Variants in GABBR2 observed in about 807,000 individuals in gnomAD.
GABBR2 encodes the protein G-protein coupled receptor 51.
Under a neutral mutation model 105.6 loss-of-function variants are expected in GABBR2, and 23 were observed. The observed-to-expected ratio is 0.22, with a 90% CI of 0.16 to 0.31. GABBR2 has a LOEUF of 0.31. Ranked by LOEUF, GABBR2 falls within the 10% of genes least tolerant of loss-of-function variation. The pLI, the probability that GABBR2 is intolerant of heterozygous loss-of-function variation, is 1.00. For synonymous variants in GABBR2, 478 were observed against 499.7 expected (o/e 0.96, Z 0.58); for missense variants, 734 against 1,245.5 (o/e 0.59, Z 6.18).
At chr9:98,610,707 T>C (rs1000032127) in intron 1 of GABBR2, among the ~76,000 whole-genome samples, 2 of 151,562 alleles carry the variant, frequency 1.3e-5, no homozygotes, top group Admixed American at 6.6e-5. Flanking sequence ...GGATTGGTTT[T>C]CCCCCAGGGC....
intron 1 of GABBR2, among the ~76,000 whole-genome samples, chr9:98,611,308 A>C (rs1436305166): frequency 2.6e-5 from 4 of 151,088 alleles, no homozygotes; most frequent in Admixed American, 2.6e-4. Flanking sequence ...CTTCACTCAC[A>C]GTCCCTTGTA....
At chr9:98,325,244 G>C (rs1484438217) in intron 13 of GABBR2, among the ~76,000 whole-genome samples, 1 of 142,390 alleles carries the variant, frequency 7.0e-6, no homozygotes, top group Non-Finnish European at 1.5e-5. Context: ...CCCAGGATCT[G>C]TCCTCTGGGG....
chr9:98,692,073 C>T (rs1830688894), intron 1 of GABBR2, among the ~76,000 whole-genome samples: 2 of 152,170 alleles, frequency 1.3e-5, no homozygotes, highest in East Asian at 3.8e-4. Flanking sequence ...CCCCATTGTA[C>T]AGAGAAGAAC....
chr9:98,478,598 C>G (rs529842443), intron 5 of GABBR2, among the ~76,000 whole-genome samples: 2 of 152,138 alleles, frequency 1.3e-5, no homozygotes, highest in Non-Finnish European at 2.9e-5. Context: ...ATGATGTCCC[C>G]GTACCATGTG....
At chr9:98,396,884 C>T (rs773520084) in intron 8 of GABBR2, among the ~76,000 whole-genome samples, 13 of 152,284 alleles carry the variant, frequency 8.5e-5, no homozygotes, top group East Asian at 3.9e-4. Context: ...TCCCACCGAC[C>T]GTAATCACCA....
intron 11 of GABBR2, among the ~76,000 whole-genome samples, chr9:98,376,629 G>A (rs1231090892): frequency 2.0e-5 from 3 of 152,160 alleles, no homozygotes; most frequent in Non-Finnish European, 2.9e-5. Context: ...TTGTCTTCTA[G>A]GGCAAGGGCG....
At chr9:98,469,986 T>C (rs1175899497) in intron 6 of GABBR2, among the ~76,000 whole-genome samples, 1 of 152,222 alleles carries the variant, frequency 6.6e-6, no homozygotes, top group African/African-American at 2.4e-5. Context: ...AGAACTATGT[T>C]TGACCATAGA....
At position 98,373,851 on chromosome 9, in the gene GABBR2, C is replaced by CTTTT. The variant is rs577915397; in HGVS notation, c.1663-2284_1663-2281dup. On this transcript the variant is annotated intron_variant, in intron 11 of 18. Coordinates refer to ENST00000259455, the MANE Select transcript of GABBR2 (RefSeq NM_005458.8). The stretch of plus-strand genomic sequence containing the variant: ...TGTCACTCCAGTGTGCAAAGCATTC[C>CTTTT]TTTTTTTTTTTTTTTTTTTTTTTTG... 2.0e-3 allele frequency among the ~76,000 whole-genome samples: 172 copies of CTTTT among 86,696 alleles called. 6 individuals are homozygous for CTTTT. The highest frequency in any genetic ancestry group is 5.2e-3 in the East Asian group (14 of 2,704). The allele number at this position is 86,696 out of a possible 152,430, so 56.9% of individuals were successfully genotyped here.
chr9:98,413,451 C>CT lies in GABBR2; in HGVS notation c.1237-7311dup, dbSNP rs61561755. On this transcript the variant is annotated intron_variant, in intron 7 of 18. Coordinates refer to ENST00000259455, the MANE Select transcript of GABBR2 (RefSeq NM_005458.8). ...TGTTCTGTAAAGTTTAAAAAATATT[C>CT]TTTTTTTTTTCTTTATGTCCCCTTG... 1.5e-3 allele frequency among the ~76,000 whole-genome samples: 231 copies of CT among 150,318 alleles called. 1 individual carries two copies. Among genetic ancestry groups the CT allele is most frequent in the Middle Eastern group, 6.8e-3 (2 of 292 alleles).
intron 17 of GABBR2, among the ~76,000 whole-genome samples, chr9:98,297,239 C>T (rs10985779): frequency 5.3e-5 from 8 of 152,160 alleles, no homozygotes; most frequent in Non-Finnish European, 5.9e-5. Context: ...TCAATTTAAA[C>T]GTTTTTGCAA....
chr9:98,467,772 G>T (rs1826590968), intron 6 of GABBR2, among the ~76,000 whole-genome samples: 1 of 152,208 alleles, frequency 6.6e-6, no homozygotes, highest in Non-Finnish European at 1.5e-5. Context: ...GAGGGCTAGG[G>T]CTACTCCAGA....
At chr9:98,674,800 C>T (rs10987362) in intron 1 of GABBR2, among the ~76,000 whole-genome samples, 13,182 of 152,076 alleles carry the variant, frequency 0.087, 1,205 homozygotes, top group African/African-American at 0.23. Flanking sequence ...TAAGGGAGAC[C>T]CTGAGACTGG....
At chr9:98,548,576 T>A (rs1473132832) in intron 2 of GABBR2, among the ~76,000 whole-genome samples, 1 of 117,298 alleles carries the variant, frequency 8.5e-6, no homozygotes. Context: ...TAGCTCTGTC[T>A]GAGTTTAGTG....
At chr9:98,592,623 G>A (rs1050722232) in intron 1 of GABBR2, among the ~76,000 whole-genome samples, 4 of 152,188 alleles carry the variant, frequency 2.6e-5, no homozygotes, top group African/African-American at 9.7e-5. Context: ...CATCTCTTTA[G>A]AGCTGGCCAG....
At chr9:98,324,571 A>G (rs1830887375) in intron 13 of GABBR2, among the ~76,000 whole-genome samples, 1 of 151,162 alleles carries the variant, frequency 6.6e-6, no homozygotes, top group South Asian at 2.1e-4. Context: ...CAATATACTC[A>G]TTTCATTTTC....
At chr9:98,318,277 C>T (rs1467334904) in intron 13 of GABBR2, among the ~76,000 whole-genome samples, 2 of 152,206 alleles carry the variant, frequency 1.3e-5, no homozygotes, top group African/African-American at 4.8e-5. Context: ...ATCCAGGGGC[C>T]ACCCTTTGGG....
intron 4 of GABBR2, among the ~76,000 whole-genome samples, chr9:98,481,259 G>A (rs1826916893): frequency 6.6e-6 from 1 of 152,208 alleles, no homozygotes; most frequent in Non-Finnish European, 1.5e-5. Flanking sequence ...TGTACAGGCT[G>A]GAGGCTAAAG....
At chr9:98,378,337 C>T (rs74781402) in intron 11 of GABBR2, among the ~76,000 whole-genome samples, 4,660 of 152,208 alleles carry the variant, frequency 0.031, 88 homozygotes, top group African/African-American at 0.038. Flanking sequence ...CGAAGGGGTG[C>T]TTCGGGACTC....
intron 1 of GABBR2, among the ~76,000 whole-genome samples, chr9:98,677,009 G>GGGACCTC (rs368372001): frequency 1.1e-3 from 175 of 152,298 alleles, no homozygotes; most frequent in African/African-American, 4.0e-3. Context: ...ATTGGGACCT[G>GGGACCTC]GGACCTCAGA....
Sources: allele counts gnomAD v4.1 joint callset (sites outside exome capture counted in the v4.1 genomes callset), GRCh38; gene constraint gnomAD v4.1.1; transcripts MANE v1.5; gene names NCBI Gene and HGNC (gene_info 2026-07-23, HGNC 2026-07-21).